Variants in SERPINB5 observed in about 807,000 individuals in gnomAD.
The protein encoded by SERPINB5 is serpin B5.
In SERPINB5, 27 loss-of-function variants were observed where a neutral mutation model predicts 32.2. The ratio of observed to expected loss-of-function variants is 0.84; its 90% CI spans 0.62 to 1.16. The LOEUF is 1.16. SERPINB5 is among the 50% of genes most tolerant of loss of function. SERPINB5 has a pLI of 0.00. For missense variants in SERPINB5, 388 were observed against 436.3 expected, an observed-to-expected ratio of 0.89 and a Z score of 0.99; for synonymous variants, 154 against 157.4, an observed-to-expected ratio of 0.98 and a Z score of 0.16.
chr18:63,499,743 C>T (rs1435868325), intron 6 of SERPINB5, among the ~76,000 whole-genome samples: 3 of 152,120 alleles, frequency 2.0e-5, no homozygotes, highest in Admixed American at 6.5e-5. Flanking sequence ...TAAGGCACTA[C>T]GTTGCTACGC....
intron 1 of SERPINB5, among the ~76,000 whole-genome samples, chr18:63,478,907 G>T (rs897412152): frequency 6.6e-6 from 1 of 152,020 alleles, no homozygotes; most frequent in African/African-American, 2.4e-5. Context: ...TGACAGGCAC[G>T]TGCCACCACG....
At chr18:63,493,118 G>A (rs374591521) in intron 5 of SERPINB5, 23 bp downstream of exon 5, 2 of 1,613,908 alleles carry the variant, frequency 1.2e-6, no homozygotes, top group African/African-American at 1.3e-5. Flanking sequence ...GCATGTAGCA[G>A]TAAAAGGAGC....
intron 4 of SERPINB5, among the ~76,000 whole-genome samples, chr18:63,491,592 A>C (rs1032989815): frequency 4.8e-4 from 72 of 150,774 alleles, no homozygotes; most frequent in Admixed American, 1.2e-3. Flanking sequence ...CTCCTGTCTC[A>C]GCCTCCCAAG....
Position 63,482,633 on chromosome 18 carries a change from T to G in SERPINB5, c.-7-1789T>G, listed in dbSNP as rs953564003. ...TGGAGTCGATCAGTAACTACCAGACTAAATAGGTAGGTAGACCTTTATTAG... is the reference window on the plus strand; with the variant it reads ...TGGAGTCGATCAGTAACTACCAGACGAAATAGGTAGGTAGACCTTTATTAG... On this transcript the variant is annotated intron_variant, in intron 1 of 6. Transcript: ENST00000382771. 3.5e-4 allele frequency among the ~76,000 whole-genome samples: 53 copies of G among 152,160 alleles called. 1 individual carries two copies. The highest frequency in any genetic ancestry group is 1.2e-3 in the African/African-American group (49 of 41,432).
In SERPINB5 at chr18:63,504,932, A is replaced by G. The variant is rs1909646257; in HGVS notation, c.*1210A>G. 6.9e-6 allele frequency: 1 copy of G among 144,272 alleles called. No individual in the cohort carries two copies. The allele number at this position is 144,272 out of a possible 1,614,324, so 8.9% of individuals were successfully genotyped here. A position where few individuals can be genotyped will look rare whatever the true frequency, so the allele number is the denominator to read the frequency against. On this transcript the variant is annotated 3_prime_UTR_variant, in exon 7 of 7. Coordinates refer to ENST00000382771, the MANE Select transcript of SERPINB5 (RefSeq NM_002639.5). ...TATCCGTGTTGCAGGTTCATGGATT[A>G]CTTCTCTATAAAAAATATGTATTTA...
At chr18:63,484,999 C>G (rs1268037564) in intron 2 of SERPINB5, among the ~76,000 whole-genome samples, 1 of 152,018 alleles carries the variant, frequency 6.6e-6, no homozygotes, top group African/African-American at 2.4e-5. Flanking sequence ...CTCGGCCTCC[C>G]AAAATGCTGG....
Position 63,504,484 on chromosome 18 carries a change from C to T in SERPINB5, c.*762C>T, listed in dbSNP as rs1035473123. On this transcript the variant is annotated 3_prime_UTR_variant, in exon 7 of 7. Coordinates refer to ENST00000382771, the MANE Select transcript of SERPINB5 (RefSeq NM_002639.5). Reference sequence around the variant, plus strand: ...TGCGTATGCCACCAACTTACAAAAACACTTCGTTCGCAGAGCTTTTCAGAT... The same window carrying T: ...TGCGTATGCCACCAACTTACAAAAATACTTCGTTCGCAGAGCTTTTCAGAT... 1.3e-4 allele frequency: 20 copies of T among 152,330 alleles called. No individual in the cohort carries two copies. The highest frequency in any genetic ancestry group is 4.3e-4 in the African/African-American group (18 of 41,574). 9.4% of individuals were successfully genotyped at this position (152,330 alleles called of 1,614,324 possible). A position where few individuals can be genotyped will look rare whatever the true frequency, so the allele number is the denominator to read the frequency against.
At chr18:63,499,647 G>A (rs1358969740) in intron 6 of SERPINB5, among the ~76,000 whole-genome samples, 1 of 152,146 alleles carries the variant, frequency 6.6e-6, no homozygotes, top group East Asian at 1.9e-4. Context: ...AGTCAAGGGT[G>A]TGTGCAGGAT....
chr18:63,498,802 T>A lies in SERPINB5; in HGVS notation c.568-318T>A, dbSNP rs1282945887. ...ATGTGTTTGCCTATATATGTGTATA[T>A]ATGTGCATGTGTGTATATATGTATG... On this transcript the variant is annotated intron_variant, in intron 5 of 6. Transcript: ENST00000382771. This position sits in a 1 kb window ranked among gnomAD's most constrained non-coding sequence, Gnocchi z 4.2. 6.6e-6 allele frequency among the ~76,000 whole-genome samples: 1 copy of A among 151,228 alleles called. No homozygotes were observed. Among genetic ancestry groups the A allele is most frequent in the Admixed American group, 6.6e-5 (1 of 15,130 alleles).
chr18:63,479,083 A>G (rs1440655779), intron 1 of SERPINB5, among the ~76,000 whole-genome samples: 3 of 152,174 alleles, frequency 2.0e-5, no homozygotes, highest in Non-Finnish European at 4.4e-5. Context: ...TTAAGGGATG[A>G]AAAAACTATA....
chr18:63,492,905 G>A, intron 4 of SERPINB5, 48 bp from the exon 5 acceptor site: 1 of 1,582,098 alleles, frequency 6.3e-7, no homozygotes, highest in Non-Finnish European at 8.6e-7. Flanking sequence ...TTCAGATGTA[G>A]TTTGGAAGAA....
intron 6 of SERPINB5, among the ~76,000 whole-genome samples, chr18:63,501,705 CTT>C (rs1312976339): frequency 6.6e-6 from 1 of 152,158 alleles, no homozygotes; most frequent in Non-Finnish European, 1.5e-5. Flanking sequence ...TCCAGCACCT[CTT>C]GTTTCCTGAC....
intron 5 of SERPINB5, among the ~76,000 whole-genome samples, chr18:63,497,925 A>G (rs1241052846): frequency 6.6e-6 from 1 of 152,206 alleles, no homozygotes; most frequent in Non-Finnish European, 1.5e-5. Context: ...CACATTTGGG[A>G]CTAAAAACCA....
intron 6 of SERPINB5, among the ~76,000 whole-genome samples, chr18:63,499,490 A>G (rs1481796569): frequency 6.6e-6 from 1 of 152,174 alleles, no homozygotes; most frequent in Non-Finnish European, 1.5e-5. Flanking sequence ...TGGCACTTAC[A>G]GTGTTCTAGG....
Position 63,498,532 on chromosome 18 carries a change from A to C in SERPINB5, c.568-588A>C, listed in dbSNP as rs1909497838. On this transcript the variant is annotated intron_variant, in intron 5 of 6. Transcript: ENST00000382771. This position sits in a 1 kb window ranked among gnomAD's most constrained non-coding sequence, Gnocchi z 4.2. ...AAACGTTGCCTATATTTACAGCCATACAGTCTTATTTTTAAGGTTTGATCT... is the reference window on the plus strand; with the variant it reads ...AAACGTTGCCTATATTTACAGCCATCCAGTCTTATTTTTAAGGTTTGATCT... Among the ~76,000 whole-genome samples, 1 of 152,202 alleles carries C rather than the reference A, an allele frequency of 6.6e-6. No individual in the cohort carries two copies. The highest frequency in any genetic ancestry group is 6.5e-5 in the Admixed American group (1 of 15,276).
chr18:63,486,975 A>G lies in SERPINB5; in HGVS notation c.198A>G (p.Val66=), dbSNP rs1288113400. 6.2e-7 allele frequency: 1 copy of G among 1,614,132 alleles called. No homozygotes were observed. Among genetic ancestry groups the G allele is most frequent in the African/African-American group, 1.3e-5 (1 of 75,056 alleles). ...QVLHFENVKD[V]PFGFQTVTSD... is the part of the protein sequence containing the mutation. ...TTCATTTTGAAAATGTCAAAGATGT[A>G]CCCTTTGGATTTCAAACAGTAACAT... is the stretch of plus-strand genomic sequence containing the variant. The change falls in exon 3 of 7, where the codon GTA becomes GTG. Residue 66 remains valine, a synonymous_variant. Coordinates refer to ENST00000382771, the MANE Select transcript of SERPINB5 (RefSeq NM_002639.5).
intron 1 of SERPINB5, among the ~76,000 whole-genome samples, chr18:63,478,923 C>G (rs1917080896): frequency 1.3e-5 from 2 of 152,046 alleles, no homozygotes; most frequent in Admixed American, 1.3e-4. Context: ...CCACGCCCGG[C>G]TAATTTCTAT....
intron 1 of SERPINB5, among the ~76,000 whole-genome samples, chr18:63,484,138 G>C (rs1917167808): frequency 6.6e-6 from 1 of 152,344 alleles, no homozygotes. Flanking sequence ...TGCTGGAGAA[G>C]AGATGTGACC....
At chr18:63,478,802 C>T (rs1373053508) in intron 1 of SERPINB5, among the ~76,000 whole-genome samples, 1 of 148,870 alleles carries the variant, frequency 6.7e-6, no homozygotes, top group Non-Finnish European at 1.5e-5. Context: ...CTTTGTCACC[C>T]AGGATGGAGT....
Sources: allele counts gnomAD v4.1 joint callset (sites outside exome capture counted in the v4.1 genomes callset), GRCh38; gene constraint gnomAD v4.1.1; non-coding constraint Gnocchi (gnomAD v3.1); transcripts MANE v1.5; gene names NCBI Gene and HGNC (gene_info 2026-07-23, HGNC 2026-07-21).